KLHL30: variants seen among roughly 807,000 people sequenced by gnomAD.
KLHL30 encodes kelch-like protein 30.
Under a neutral mutation model 55.0 loss-of-function variants are expected in KLHL30, and 55 were observed. That is an observed-to-expected ratio of 1.00 (90% CI 0.80 to 1.25). The LOEUF (loss-of-function observed/expected upper bound fraction) is 1.25. Ranked by LOEUF, KLHL30 falls within the 50% of genes most tolerant of loss-of-function variation. The pLI is 0.00. For missense variants in KLHL30, 786 were observed against 811.6 expected (o/e 0.97, Z 0.38); for synonymous variants, 356 against 372.6 (o/e 0.96, Z 0.51).
rs1353452276 is a variant in KLHL30, at chr2:238,149,002, C to A, written c.1340-5C>A. ...GACGGTGGCCAGTGCCCGTGCCCCC[C>A]ACAGATGCGTGGAGTGTGATCGCCT... On this transcript the variant is annotated splice_polypyrimidine_tract_variant and splice_region_variant and intron_variant, in intron 6 of 7. Transcript: ENST00000409223. The A allele has an allele frequency of 6.3e-6, 10 of 1,587,870 alleles. No individual in the cohort carries two copies. The highest frequency in any genetic ancestry group is 8.6e-6 in the Non-Finnish European group (10 of 1,167,486).
intron 7 of KLHL30, 151 bp from the exon 8 acceptor site, chr2:238,150,663 C>G: frequency 1.2e-6 from 1 of 836,284 alleles, no homozygotes. Context: ...CTGCGGTGGG[C>G]TGCCCAGGGA....
chr2:238,144,428 A>AAGGAAGGAAGGAAGGC (rs1692606703), intron 3 of KLHL30, among the ~76,000 whole-genome samples: 1 of 76,966 alleles, frequency 1.3e-5, no homozygotes, highest in Non-Finnish European at 2.8e-5. Context: ...GGAAGGAAGG[A>AAGGAAGGAAGGAAGGC]AGGAAGGCAG....
intron 3 of KLHL30, 50 bp from the exon 4 acceptor site, chr2:238,144,852 C>A: frequency 7.0e-7 from 1 of 1,422,796 alleles, no homozygotes; most frequent in Non-Finnish European, 9.8e-7. Context: ...GGGGACCACC[C>A]CAGCAGGGAG....
intron 2 of KLHL30, 72 bp downstream of exon 2, chr2:238,141,600 G>T: frequency 7.1e-7 from 1 of 1,407,512 alleles, no homozygotes. Context: ...ACCTGAGTAG[G>T]GACAGAGTAA....
Position 238,147,731 on chromosome 2 carries a change from C to T in KLHL30, c.1151-103C>T. The stretch of plus-strand genomic sequence containing the variant: ...CCTGTCTGTGAAATGGGGAGCCCAC[C>T]CCACCTCCCACCACTTTGCTGCCTT... On this transcript the variant is annotated intron_variant, in intron 5 of 7. Coordinates refer to ENST00000409223, the MANE Select transcript of KLHL30 (RefSeq NM_198582.4). This position sits in a 1 kb window ranked among gnomAD's most constrained non-coding sequence, Gnocchi z 5.8. 1.5e-6 allele frequency: 1 copy of T among 676,938 alleles called. No individual in the cohort carries two copies. Among genetic ancestry groups the T allele is most frequent in the Non-Finnish European group, 2.2e-6 (1 of 453,756 alleles). The allele number at this position is 676,938 out of a possible 1,614,324, so 41.9% of individuals were successfully genotyped here. A position where few individuals can be genotyped will look rare whatever the true frequency, so the allele number is the denominator to read the frequency against.
At position 238,150,997 on chromosome 2, in the gene KLHL30, G is replaced by T; in HGVS notation, c.1669G>T (p.Gly557Trp). 1 of 1,589,362 alleles carries T rather than the reference G, an allele frequency of 6.3e-7. No individual in the cohort carries two copies. Residue 557 changes from glycine to tryptophan, a missense_variant, in exon 8 of 8, where the codon GGG becomes TGG. Coordinates refer to ENST00000409223, the MANE Select transcript of KLHL30 (RefSeq NM_198582.4). ...CCTGCCCCGGCTCTGGCTCTACCAC[G>T]GGGCCTCCACCGTCTTCCTGGATGT... ...GALPRLWLYH[G>W]ASTVFLDVSK...
At chr2:238,150,076 A>G (rs1264997977) in intron 7 of KLHL30, among the ~76,000 whole-genome samples, 1 of 152,070 alleles carries the variant, frequency 6.6e-6, no homozygotes, top group Admixed American at 6.5e-5. Flanking sequence ...CCCCCATTAC[A>G]GCGGTGAGAC....
At position 238,142,833 on chromosome 2, in the gene KLHL30, T is replaced by G; in HGVS notation, c.809T>G (p.Val270Gly). The G allele has an allele frequency of 6.9e-7, 1 of 1,443,382 alleles. No homozygotes were observed. The highest frequency in any genetic ancestry group is 1.6e-5 in the South Asian group (1 of 62,900). 89.4% of individuals were successfully genotyped at this position (1,443,382 alleles called of 1,614,324 possible). A position where few individuals can be genotyped will look rare whatever the true frequency, so the allele number is the denominator to read the frequency against. ...GCCCTCCAGCAGAAGCTGGAGGAGGTCCTGGTGGTGGTGGGCGGGCAGGCG... is the reference window on the plus strand; with the variant it reads ...GCCCTCCAGCAGAAGCTGGAGGAGGGCCTGGTGGTGGTGGGCGGGCAGGCG... ...PLALQQKLEE[V>G]LVVVGGQALE... Residue 270 changes from valine to glycine, a missense_variant, in exon 3 of 8, where the codon GTC (valine) becomes GGC (glycine). Val to Gly is a moderately radical substitution (Grantham distance 109). Coordinates refer to ENST00000409223, the MANE Select transcript of KLHL30 (RefSeq NM_198582.4).
rs1192413076 is a variant in KLHL30 at position 238,151,950 on chromosome 2, C to G, written c.*885C>G. On this transcript the variant is annotated 3_prime_UTR_variant, in exon 8 of 8. Transcript: ENST00000409223. ...GGGGTAGCATCCGATGGGCCCCTGCCAGCATGCAGCCCGACTCCGGCTGGC... is the reference window on the plus strand; with the variant it reads ...GGGGTAGCATCCGATGGGCCCCTGCGAGCATGCAGCCCGACTCCGGCTGGC... The G allele has an allele frequency of 2.0e-6, 2 of 985,384 alleles. No homozygotes were observed. Among genetic ancestry groups the G allele is most frequent in the African/African-American group, 1.7e-5 (1 of 57,234 alleles). The allele number at this position is 985,384 out of a possible 1,614,324, so 61.0% of individuals were successfully genotyped here.
chr2:238,144,434 G>GGAAT (rs1692609521), intron 3 of KLHL30, among the ~76,000 whole-genome samples: 1 of 81,076 alleles, frequency 1.2e-5, no homozygotes, highest in Non-Finnish European at 2.6e-5. Flanking sequence ...AAGGAAGGAA[G>GGAAT]GCAGGCAGGC....
At position 238,151,237 on chromosome 2, in the gene KLHL30, C is replaced by A. The variant is rs1457351201; in HGVS notation, c.*172C>A. ...ATGGCTTGGAGGACACAGCCTTGGT[C>A]TCTGTGGCCACCACACTAAACTCTG... On this transcript the variant is annotated 3_prime_UTR_variant, in exon 8 of 8. Transcript: ENST00000409223. 4 of 896,716 alleles carry A rather than the reference C, an allele frequency of 4.5e-6. No homozygotes were observed. Among genetic ancestry groups the A allele is most frequent in the Non-Finnish European group, 6.6e-6 (4 of 605,340 alleles). 55.5% of individuals were successfully genotyped at this position (896,716 alleles called of 1,614,324 possible). A position where few individuals can be genotyped will look rare whatever the true frequency, so the allele number is the denominator to read the frequency against.
rs868433319 is a variant in KLHL30 at position 238,149,023 on chromosome 2, C to T, written c.1356C>T (p.Ile452=). 18 of 1,604,890 alleles carry T rather than the reference C, an allele frequency of 1.1e-5. No individual in the cohort carries two copies. Among genetic ancestry groups the T allele is most frequent in the South Asian group, 2.2e-5 (2 of 89,860 alleles). The part of the protein sequence containing the change: ...YNPVTDAWSV[I]ASPFLPKYLS... Reference sequence around the variant, plus strand: ...CCCCCACAGATGCGTGGAGTGTGATCGCCTCGCCCTTCCTGCCCAAGTACC... The same window carrying T: ...CCCCCACAGATGCGTGGAGTGTGATTGCCTCGCCCTTCCTGCCCAAGTACC... The change falls in exon 7 of 8, where the codon ATC becomes ATT. Residue 452 remains isoleucine (I), a synonymous_variant. Transcript: ENST00000409223.
At position 238,145,923 on chromosome 2, in the gene KLHL30, G is replaced by A. The variant is rs1046638430; in HGVS notation, c.1150+91G>A. The A allele has an allele frequency of 1.7e-5, 23 of 1,364,782 alleles. 1 individual carries two copies. In the South Asian group the frequency reaches 3.5e-4, roughly 21 times the overall value. The allele number at this position is 1,364,782 out of a possible 1,614,324, so 84.5% of individuals were successfully genotyped here. A position where few individuals can be genotyped will look rare whatever the true frequency, so the allele number is the denominator to read the frequency against. On this transcript the variant is annotated intron_variant, in intron 5 of 7. Coordinates refer to ENST00000409223, the MANE Select transcript of KLHL30 (RefSeq NM_198582.4). ...AACCGAGAGCCCCATGCTGGCCTCG[G>A]AGACCACGGAGATGCCGCTCCCACT...
rs577864494 is a variant in KLHL30, at chr2:238,149,010, C to T, written c.1343C>T (p.Ala448Val). ...CCAGTGCCCGTGCCCCCCACAGATGCGTGGAGTGTGATCGCCTCGCCCTTC... is the reference window on the plus strand; with the variant it reads ...CCAGTGCCCGTGCCCCCCACAGATGTGTGGAGTGTGATCGCCTCGCCCTTC... ...ALQCYNPVTD[A>V]WSVIASPFLP... The change falls in exon 7 of 8, where the codon GCG (alanine) becomes GTG (valine). Residue 448 changes from alanine to valine, a missense_variant. By Grantham distance (64) the Ala-to-Val change is moderately conservative. Transcript: ENST00000409223. 82 of 1,595,270 alleles carry T rather than the reference C, an allele frequency of 5.1e-5. 2 individuals are homozygous for T. The Admixed American group carries it at 5.3e-4, about 10-fold the overall frequency.
chr2:238,143,774 G>A (rs1030188609), intron 3 of KLHL30, among the ~76,000 whole-genome samples: 1 of 152,236 alleles, frequency 6.6e-6, no homozygotes, highest in African/African-American at 2.4e-5. Context: ...CTCAGACCTG[G>A]CCGGGAGGTG....
chr2:238,149,871 T>A (rs547334456), intron 7 of KLHL30, among the ~76,000 whole-genome samples: 37 of 152,212 alleles, frequency 2.4e-4, no homozygotes, highest in African/African-American at 8.7e-4. Flanking sequence ...CCCAGGAAGT[T>A]GGGGATGGGT....
chr2:238,148,069 GAC>G, intron 6 of KLHL30, 47 bp downstream of exon 6: 2 of 1,331,678 alleles, frequency 1.5e-6, no homozygotes, highest in Non-Finnish European at 1.9e-6. Context: ...AGGCCCCTCT[GAC>G]AGGCGACAGT....
chr2:238,151,119 G>A lies in KLHL30; in HGVS notation c.*54G>A. On this transcript the variant is annotated 3_prime_UTR_variant, in exon 8 of 8. Transcript: ENST00000409223. ...CCCCACAGCGGCCCCTCATCAGCCT[G>A]TGGAACGGCCCCTTTCATTTTCGCT... 4 of 1,532,868 alleles carry A rather than the reference G, an allele frequency of 2.6e-6. No homozygotes were observed. The highest frequency in any genetic ancestry group is 3.5e-6 in the Non-Finnish European group (4 of 1,135,864). 95.0% of individuals were successfully genotyped at this position (1,532,868 alleles called of 1,614,324 possible).
rs757761694 is a variant in KLHL30, at chr2:238,142,831, G to C, written c.807G>C (p.Glu269Asp). ...TCGCCCTCCAGCAGAAGCTGGAGGA[G>C]GTCCTGGTGGTGGTGGGCGGGCAGG... ...APLALQQKLE[E>D]VLVVVGGQAL... Residue 269 changes from glutamate to aspartate, a missense_variant, in exon 3 of 8, where the codon GAG (glutamate) becomes GAC (aspartate). Transcript: ENST00000409223. The C allele has an allele frequency of 1.4e-6, 2 of 1,440,978 alleles. No individual in the cohort carries two copies. Among genetic ancestry groups the C allele is most frequent in the East Asian group, 2.8e-5 (1 of 35,910 alleles). 89.3% of individuals were successfully genotyped at this position (1,440,978 alleles called of 1,614,324 possible). A position where few individuals can be genotyped will look rare whatever the true frequency, so the allele number is the denominator to read the frequency against.
Sources: allele counts gnomAD v4.1 joint callset (sites outside exome capture counted in the v4.1 genomes callset), GRCh38; gene constraint gnomAD v4.1.1; non-coding constraint Gnocchi (gnomAD v3.1); transcripts MANE v1.5; gene names NCBI Gene and HGNC (gene_info 2026-07-23, HGNC 2026-07-21).